API5: variants seen among roughly 807,000 people sequenced by gnomAD.
API5 encodes the protein apoptosis inhibitor 5.
A neutral mutation model predicts 71.9 loss-of-function variants in API5; 6 were observed. The ratio of observed to expected loss-of-function variants is 0.08; its 90% CI spans 0.05 to 0.16. The LOEUF is 0.16. Ranked by LOEUF, API5 falls within the 10% of genes least tolerant of loss-of-function variation. The probability of loss-of-function intolerance (pLI) is 1.00; values close to 1 mark genes in which losing one functional copy is unlikely to be tolerated. For synonymous variants in API5, 189 were observed against 221.3 expected (o/e 0.85, Z 1.30); for missense variants, 332 against 612.8 (o/e 0.54, Z 4.84).
chr11:43,319,112 C>T, intron 2 of API5: 1 of 262,298 alleles, frequency 3.8e-6, no homozygotes, highest in Non-Finnish European at 7.2e-6. Context: ...TGAAATTAGA[C>T]TGTTTTTAAT....
chr11:43,326,419 C>T (rs1166047526), intron 6 of API5, 88 bp from the exon 7 acceptor site: 13 of 830,306 alleles, frequency 1.6e-5, no homozygotes, highest in East Asian at 2.4e-5. Flanking sequence ...GATGCTGTAG[C>T]GCTCAGCATT....
rs191800088 is a variant in API5, at chr11:43,313,705, T to C, written c.69+1509T>C. Reference sequence around the variant, plus strand: ...TCCCTGTCAGTAGGGAATTTCACTTTTATCAGTAAGAAATGTATACGGATG... The same window carrying C: ...TCCCTGTCAGTAGGGAATTTCACTTCTATCAGTAAGAAATGTATACGGATG... On this transcript the variant is annotated intron_variant, in intron 1 of 13. Coordinates refer to ENST00000531273, the MANE Select transcript of API5 (RefSeq NM_001142930.2). 9.2e-4 allele frequency among the ~76,000 whole-genome samples: 140 copies of C among 152,338 alleles called. 1 individual carries two copies. The highest frequency in any genetic ancestry group is 1.7e-3 in the Non-Finnish European group (115 of 68,028).
intron 1 of API5, among the ~76,000 whole-genome samples, chr11:43,316,680 G>A (rs951783034): frequency 1.3e-5 from 2 of 151,968 alleles, no homozygotes; most frequent in African/African-American, 4.8e-5. Context: ...GTGCAGTGGC[G>A]CGACCACAGC....
chr11:43,328,614 T>C lies in API5; in HGVS notation c.946-98T>C, dbSNP rs1009997590. 9 of 1,096,020 alleles carry C rather than the reference T, an allele frequency of 8.2e-6. No homozygotes were observed. The African/African-American group carries it at 9.6e-5, about 12-fold the overall frequency. The allele number at this position is 1,096,020 out of a possible 1,614,324, so 67.9% of individuals were successfully genotyped here. The stretch of plus-strand genomic sequence containing the variant: ...GTCTGGTTTTGGTAGTTTTTAATGC[T>C]CCATGCCTTAAAAACATGCACTGTA... On this transcript the variant is annotated intron_variant, in intron 8 of 13. Coordinates refer to ENST00000531273, the MANE Select transcript of API5 (RefSeq NM_001142930.2).
Position 43,327,828 on chromosome 11 carries a change from G to A in API5, c.895G>A (p.Asp299Asn), listed in dbSNP as rs144200699. 8.1e-6 allele frequency: 13 copies of A among 1,612,270 alleles called. No individual in the cohort carries two copies. The highest frequency in any genetic ancestry group is 1.0e-5 in the Non-Finnish European group (12 of 1,179,362). Residue 299 changes from aspartate to asparagine, a missense_variant, in exon 8 of 14, where the codon GAC becomes AAC. Asp to Asn is a conservative substitution (Grantham distance 23, BLOSUM62 1). This residue lies in a region of API5 where 168 missense variants were observed against 343.9 expected (regional missense o/e 0.49). Transcript: ENST00000531273. ...GGCGGAGATGAGTTCATTTTGTGGT[G>A]ACATGGAAAAACTAGAAACAAATTT... ...LLAEMSSFCG[D>N]MEKLETNLRK...
In API5 at chr11:43,318,777, C is replaced by T. The variant is rs1179452323; in HGVS notation, c.207C>T (p.Asp69=). ...LADSAINAQL[D]LCEDEDVSIR... is the part of the protein sequence containing the mutation. ...ATTCTGCTATCAATGCACAGTTAGA[C>T]CTCTGTGAGGATGAAGATGTATCTG... Residue 69 remains aspartate, a synonymous_variant, in exon 2 of 14, where the codon GAC becomes GAT. Coordinates refer to ENST00000531273, the MANE Select transcript of API5 (RefSeq NM_001142930.2). 1 of 1,613,132 alleles carries T rather than the reference C, an allele frequency of 6.2e-7. No homozygotes were observed. The highest frequency in any genetic ancestry group is 8.5e-7 in the Non-Finnish European group (1 of 1,179,906).
intron 10 of API5, chr11:43,330,293 G>A (rs1409307961): frequency 1.6e-6 from 1 of 618,288 alleles, no homozygotes; most frequent in African/African-American, 1.9e-5. Context: ...AACCTGTCAA[G>A]GGAACACAGA....
intron 6 of API5, among the ~76,000 whole-genome samples, chr11:43,325,789 C>G (rs886979660): frequency 1.3e-5 from 2 of 152,112 alleles, no homozygotes; most frequent in African/African-American, 4.8e-5. Flanking sequence ...GAAAAGGGCC[C>G]AGTCCAAGCA....
intron 1 of API5, among the ~76,000 whole-genome samples, chr11:43,316,127 G>T (rs1485433698): frequency 6.6e-6 from 1 of 151,814 alleles, no homozygotes; most frequent in Non-Finnish European, 1.5e-5. Flanking sequence ...TTGTAGTAGG[G>T]TTTTTTGTAT....
intron 11 of API5, among the ~76,000 whole-genome samples, chr11:43,334,973 G>A (rs752533410): frequency 2.0e-5 from 3 of 152,088 alleles, no homozygotes; most frequent in East Asian, 1.9e-4. Flanking sequence ...AAAACAAACC[G>A]AAACAAAACT....
chr11:43,331,551 G>C (rs1438080833), intron 11 of API5, among the ~76,000 whole-genome samples: 1 of 150,730 alleles, frequency 6.6e-6, no homozygotes, highest in South Asian at 2.1e-4. Context: ...CTTCATCCTT[G>C]TTGTCTTCAC....
intron 1 of API5, among the ~76,000 whole-genome samples, chr11:43,313,259 TAC>T (rs1390895883): frequency 2.6e-5 from 4 of 152,318 alleles, no homozygotes; most frequent in East Asian, 3.9e-4. Context: ...TTGCCCCCGA[TAC>T]ACAGTTTCTC....
At position 43,327,977 on chromosome 11, in the gene API5, C is replaced by T. The variant is rs1421793075; in HGVS notation, c.945+99C>T. On this transcript the variant is annotated intron_variant, in intron 8 of 13. Transcript: ENST00000531273. The stretch of plus-strand genomic sequence containing the variant: ...TTACAAGAACCAGTTTTTGAAATTT[C>T]AATTAAACAATAATCCTAATAAGTA... 4.7e-6 allele frequency: 3 copies of T among 638,228 alleles called. No individual in the cohort carries two copies. The East Asian group carries it at 9.4e-5, about 20-fold the overall frequency. The allele number at this position is 638,228 out of a possible 1,614,324, so 39.5% of individuals were successfully genotyped here.
intron 11 of API5, among the ~76,000 whole-genome samples, chr11:43,334,926 A>G (rs1855380377): frequency 6.6e-6 from 1 of 152,056 alleles, no homozygotes; most frequent in African/African-American, 2.4e-5. Flanking sequence ...GCACCATTGT[A>G]TTTTCCTTAA....
intron 2 of API5, among the ~76,000 whole-genome samples, chr11:43,319,714 G>C (rs1319853204): frequency 6.6e-6 from 1 of 151,984 alleles, no homozygotes; most frequent in Non-Finnish European, 1.5e-5. Flanking sequence ...CATCTGGCCC[G>C]CTGTACATAT....
chr11:43,326,469 T>A (rs773876074), intron 6 of API5, 38 bp from the exon 7 acceptor site: 1 of 1,274,090 alleles, frequency 7.8e-7, no homozygotes, highest in Admixed American at 1.8e-5. Flanking sequence ...AGCGAATATT[T>A]GTTTTTCGAC....
intron 11 of API5, among the ~76,000 whole-genome samples, chr11:43,334,006 A>G (rs1278898070): frequency 6.6e-6 from 1 of 152,164 alleles, no homozygotes; most frequent in Non-Finnish European, 1.5e-5. Context: ...TTTTTTCTGA[A>G]TATTTTCCAT....
intron 1 of API5, among the ~76,000 whole-genome samples, chr11:43,317,217 T>C (rs1465091098): frequency 6.6e-6 from 1 of 152,232 alleles, no homozygotes; most frequent in Non-Finnish European, 1.5e-5. Context: ...TTTATTCATA[T>C]GTCCAAACAA....
At chr11:43,328,587 A>T in intron 8 of API5, 125 bp from the exon 9 acceptor site, 1 of 821,846 alleles carries the variant, frequency 1.2e-6, no homozygotes, top group Non-Finnish European at 1.9e-6. Flanking sequence ...AGAAATCCAA[A>T]TGTCTGGTTT....
Sources: gnomAD v4.1 joint callset for allele counts (sites outside exome capture counted in the v4.1 genomes callset) on GRCh38, gnomAD v4.1.1 for gene constraint, gnomAD v4.1.1 regional missense constraint, MANE v1.5 for transcripts, NCBI Gene and HGNC (gene_info 2026-07-23, HGNC 2026-07-21) for gene names.